The following MPV17 variants were observed in gnomAD, a reference collection of about 807,000 sequenced individuals.
MPV17 encodes the protein mitochondrial inner membrane protein MPV17.
Under a neutral mutation model 28.6 loss-of-function variants are expected in MPV17, and 31 were observed. The observed-to-expected ratio is 1.08, with a 90% CI of 0.81 to 1.46. The LOEUF (loss-of-function observed/expected upper bound fraction) is 1.46, where lower values mean the gene tolerates loss of function less well. MPV17 is among the 40% of genes most tolerant of loss of function. The pLI is 0.00. For missense variants in MPV17, 198 were observed against 216.2 expected (o/e 0.92, Z 0.53); for synonymous variants, 87 against 85.3 (o/e 1.02, Z -0.11).
At chr2:27,312,102 GAA>G in intron 6 of MPV17, 110 bp downstream of exon 6, 1 of 1,450,132 alleles carries the variant, frequency 6.9e-7, no homozygotes, top group Non-Finnish European at 9.7e-7. Flanking sequence ...TCCTGGGAAT[GAA>G]AGAGTAATCC....
At chr2:27,315,318 G>C (rs1679609191) in intron 2 of MPV17, among the ~76,000 whole-genome samples, 1 of 152,196 alleles carries the variant, frequency 6.6e-6, no homozygotes, top group Non-Finnish European at 1.5e-5. Context: ...GCTCCCACCC[G>C]CACCCGGTTC....
intron 2 of MPV17, among the ~76,000 whole-genome samples, chr2:27,321,539 C>T (rs918834805): frequency 6.6e-6 from 1 of 152,242 alleles, no homozygotes; most frequent in Non-Finnish European, 1.5e-5. Flanking sequence ...CTTCTCTAAA[C>T]ATGGGCAAGA....
At chr2:27,314,167 A>T (rs556980704) in intron 2 of MPV17, among the ~76,000 whole-genome samples, 18 of 152,148 alleles carry the variant, frequency 1.2e-4, no homozygotes, top group East Asian at 5.8e-4. Context: ...TCTACAAAAA[A>T]TTTTTTTAAA....
intron 2 of MPV17, chr2:27,316,295 GC>G: frequency 7.6e-7 from 1 of 1,316,338 alleles, no homozygotes; most frequent in Non-Finnish European, 1.1e-6. Context: ...CTGACTTCTA[GC>G]CCCATAGTTC....
chr2:27,315,976 G>T, intron 2 of MPV17: 2 of 1,501,978 alleles, frequency 1.3e-6, no homozygotes, highest in Non-Finnish European at 1.8e-6. Flanking sequence ...GGGTATTCCT[G>T]GCATGGGCTG....
chr2:27,310,212 C>T (rs1480295992), intron 7 of MPV17, among the ~76,000 whole-genome samples: 1 of 152,192 alleles, frequency 6.6e-6, no homozygotes. Context: ...TCTCGTGCCT[C>T]AGCCTCCCAA....
Position 27,311,958 on chromosome 2 carries a change from G to A in MPV17, c.409-7C>T, listed in dbSNP as rs774743263. On this transcript the variant is annotated splice_region_variant and splice_polypyrimidine_tract_variant and intron_variant, in intron 6 of 7. Coordinates refer to ENST00000380044, the MANE Select transcript of MPV17 (RefSeq NM_002437.5). The stretch of plus-strand genomic sequence containing the variant: ...ACTGCACAGCAGGCCATAGCTGCAA[G>A]AGAAAATGTAAAGGTTGGATGGCTG... 1.9e-6 allele frequency: 3 copies of A among 1,613,226 alleles called. No individual in the cohort carries two copies. The highest frequency in any genetic ancestry group is 2.7e-5 in the African/African-American group (2 of 74,924).
At chr2:27,319,625 C>T (rs1679780049) in intron 2 of MPV17, among the ~76,000 whole-genome samples, 1 of 151,116 alleles carries the variant, frequency 6.6e-6, no homozygotes, top group South Asian at 2.1e-4. Context: ...GTTCACTGAG[C>T]ATTTAAAAAC....
rs918714619 is a variant in MPV17 at position 27,309,726 on chromosome 2, A to T, written c.*186T>A. 6.1e-5 allele frequency: 41 copies of T among 668,216 alleles called. No homozygotes were observed. In the African/African-American group the frequency reaches 6.2e-4, roughly 10 times the overall value. The allele number at this position is 668,216 out of a possible 1,614,324, so 41.4% of individuals were successfully genotyped here. A position where few individuals can be genotyped will look rare whatever the true frequency, so the allele number is the denominator to read the frequency against. ...ATGTGGTGGGAATAAGACTATTATC[A>T]AGGGCTCTAAAGCAGTCAGTGTACA... On this transcript the variant is annotated 3_prime_UTR_variant, in exon 8 of 8. Coordinates refer to ENST00000380044, the MANE Select transcript of MPV17 (RefSeq NM_002437.5).
Sources: gnomAD v4.1 joint callset for allele counts (sites outside exome capture counted in the v4.1 genomes callset) on GRCh38, gnomAD v4.1.1 for gene constraint, MANE v1.5 for transcripts, NCBI Gene and HGNC (gene_info 2026-07-23, HGNC 2026-07-21) for gene names.